TBCA: variants seen among roughly 807,000 people sequenced by gnomAD.
The protein encoded by TBCA is tubulin folding cofactor A.
A neutral mutation model predicts 15.8 loss-of-function variants in TBCA; 6 were observed. The observed-to-expected ratio is 0.38, with a 90% CI of 0.21 to 0.75. The LOEUF (loss-of-function observed/expected upper bound fraction) is 0.75. Ranked by LOEUF, TBCA falls within the 30% of genes least tolerant of loss-of-function variation. The pLI is 0.46. For synonymous variants in TBCA, 32 were observed against 42.3 expected, an observed-to-expected ratio of 0.76 and a Z score of 0.94; for missense variants, 90 against 131.2, an observed-to-expected ratio of 0.69 and a Z score of 1.53.
intron 2 of TBCA, among the ~76,000 whole-genome samples, chr5:77,694,778 A>G (rs1388511087): frequency 6.6e-6 from 1 of 152,200 alleles, no homozygotes; most frequent in African/African-American, 2.4e-5. Flanking sequence ...CAGAGCTCAT[A>G]TTGAAAACAA....
At chr5:77,695,193 A>G (rs1465016971) in intron 2 of TBCA, among the ~76,000 whole-genome samples, 1 of 152,202 alleles carries the variant, frequency 6.6e-6, no homozygotes, top group Non-Finnish European at 1.5e-5. Context: ...AACTTTAGAC[A>G]ATGCCATCCA....
chr5:77,770,490 T>C (rs1489431634), intron 1 of TBCA, among the ~76,000 whole-genome samples: 1 of 152,182 alleles, frequency 6.6e-6, no homozygotes, highest in Non-Finnish European at 1.5e-5. Flanking sequence ...TTTCCCAGTT[T>C]TAGCAGTGAA....
intron 1 of TBCA, among the ~76,000 whole-genome samples, chr5:77,764,610 C>G (rs1196540536): frequency 6.6e-6 from 1 of 152,118 alleles, no homozygotes; most frequent in East Asian, 1.9e-4. Context: ...TTCGATGAAG[C>G]AAGTATATAT....
chr5:77,701,773 G>C (rs1746025013), intron 2 of TBCA, among the ~76,000 whole-genome samples: 1 of 142,422 alleles, frequency 7.0e-6, no homozygotes, highest in Admixed American at 7.3e-5. Flanking sequence ...AATGGCATTT[G>C]CAGCAACTTG....
intron 1 of TBCA, among the ~76,000 whole-genome samples, chr5:77,765,577 C>G (rs1028286156): frequency 9.9e-5 from 15 of 152,142 alleles, no homozygotes; most frequent in African/African-American, 3.6e-4. Flanking sequence ...TCTCCTACCC[C>G]CTTTTCCTCT....
rs369491806 is a variant in TBCA, at chr5:77,773,639, T to A, written c.53+2566A>T. Among the ~76,000 whole-genome samples, 3 of 152,366 alleles carry A rather than the reference T, an allele frequency of 2.0e-5. No individual in the cohort carries two copies. The South Asian group carries it at 6.2e-4, about 32-fold the overall frequency. On this transcript the variant is annotated intron_variant, in intron 1 of 3. Transcript: ENST00000380377. The stretch of plus-strand genomic sequence containing the variant: ...GCTGTGCATTTAACTCCTACTCACA[T>A]GGTCTCCTTATTGCCTTGGCAATAA...
intron 1 of TBCA, among the ~76,000 whole-genome samples, chr5:77,739,252 G>A (rs942257404): frequency 2.0e-5 from 3 of 152,088 alleles, no homozygotes; most frequent in African/African-American, 7.2e-5. Context: ...CCTGAGGTCA[G>A]GAGTTTAAGA....
intron 1 of TBCA, among the ~76,000 whole-genome samples, chr5:77,762,329 C>G (rs1463226386): frequency 6.6e-6 from 1 of 152,098 alleles, no homozygotes; most frequent in African/African-American, 2.4e-5. Flanking sequence ...ACTAAAAATG[C>G]TAGCATAGTT....
At chr5:77,739,626 C>T (rs1746987677) in intron 1 of TBCA, among the ~76,000 whole-genome samples, 1 of 152,158 alleles carries the variant, frequency 6.6e-6, no homozygotes, top group Non-Finnish European at 1.5e-5. Flanking sequence ...CATATAACAG[C>T]TAAATAAAAA....
intron 3 of TBCA, 127 bp from the exon 4 acceptor site, chr5:77,691,625 A>G: frequency 7.1e-7 from 1 of 1,411,582 alleles, no homozygotes; most frequent in East Asian, 2.7e-5. Context: ...CCCAAGCCTC[A>G]TCTAAATATA....
chr5:77,694,867 C>T (rs1406169198), intron 2 of TBCA, among the ~76,000 whole-genome samples: 1 of 152,120 alleles, frequency 6.6e-6, no homozygotes, highest in Non-Finnish European at 1.5e-5. Context: ...TGAACTTAAA[C>T]CTCTTTTACT....
intron 1 of TBCA, among the ~76,000 whole-genome samples, chr5:77,751,166 T>A (rs868695612): frequency 2.2e-5 from 3 of 137,858 alleles, no homozygotes; most frequent in African/African-American, 8.1e-5. Context: ...TTTCTTTTTT[T>A]TTTTTTTTTT....
intron 1 of TBCA, among the ~76,000 whole-genome samples, chr5:77,732,607 C>T (rs1030918606): frequency 7.0e-6 from 1 of 141,926 alleles, no homozygotes; most frequent in African/African-American, 2.6e-5. Context: ...GTGTGTCAAA[C>T]AAGTCTGTCA....
intron 1 of TBCA, among the ~76,000 whole-genome samples, chr5:77,737,573 T>C (rs1746939354): frequency 6.6e-6 from 1 of 152,228 alleles, no homozygotes; most frequent in Admixed American, 6.5e-5. Flanking sequence ...TTAATTTCCC[T>C]GTCTCAGGTT....
chr5:77,731,025 T>C (rs1580114401), intron 1 of TBCA, among the ~76,000 whole-genome samples: 1 of 152,330 alleles, frequency 6.6e-6, no homozygotes, highest in Middle Eastern at 3.4e-3. Flanking sequence ...TCATTGTACA[T>C]ACATGTATGC....
At chr5:77,695,232 T>C (rs1745847285) in intron 2 of TBCA, among the ~76,000 whole-genome samples, 1 of 152,192 alleles carries the variant, frequency 6.6e-6, no homozygotes, top group African/African-American at 2.4e-5. Flanking sequence ...TAAAATTCTA[T>C]CTATTATTAC....
chr5:77,693,520 C>A, intron 2 of TBCA, 168 bp from the exon 3 acceptor site: 1 of 859,020 alleles, frequency 1.2e-6, no homozygotes, highest in East Asian at 2.8e-5. Flanking sequence ...TTAGAAAGGC[C>A]AGGCACAGTG....
At chr5:77,715,639 G>A (rs1476562427) in intron 1 of TBCA, among the ~76,000 whole-genome samples, 2 of 152,178 alleles carry the variant, frequency 1.3e-5, no homozygotes, top group African/African-American at 4.8e-5. Context: ...TGGTGAAAAA[G>A]AGAATCCATT....
Position 77,691,345 on chromosome 5 carries a change from A to G in TBCA, c.*73T>C. The G allele has an allele frequency of 4.0e-6, 5 of 1,257,934 alleles. No homozygotes were observed. The highest frequency in any genetic ancestry group is 5.7e-6 in the Non-Finnish European group (5 of 882,680). The allele number at this position is 1,257,934 out of a possible 1,614,324, so 77.9% of individuals were successfully genotyped here. ...TTCTCATACTACTTGAACACATAGC[A>G]GTGGTCAAAAATAATGGATTGTAAA... On this transcript the variant is annotated 3_prime_UTR_variant, in exon 4 of 4. Transcript: ENST00000380377.
Sources: gnomAD v4.1 joint callset for allele counts (sites outside exome capture counted in the v4.1 genomes callset) on GRCh38, gnomAD v4.1.1 for gene constraint, MANE v1.5 for transcripts, NCBI Gene and HGNC (gene_info 2026-07-23, HGNC 2026-07-21) for gene names.